Variants in IQSEC3 observed in about 807,000 individuals in gnomAD.
The protein encoded by IQSEC3 is IQ motif and SEC7 domain-containing protein 3.
Under a neutral mutation model 105.4 loss-of-function variants are expected in IQSEC3, and 50 were observed. That is an observed-to-expected ratio of 0.47 (90% CI 0.38 to 0.60). The LOEUF is 0.60. Ranked by LOEUF, IQSEC3 falls within the 20% of genes least tolerant of loss-of-function variation. The probability of loss-of-function intolerance (pLI) is 0.00; values close to 1 mark genes in which losing one functional copy is unlikely to be tolerated. For synonymous variants in IQSEC3, 708 were observed against 746.0 expected (o/e 0.95, Z 0.83); for missense variants, 1,415 against 1,630.0 (o/e 0.87, Z 2.27).
Position 138,771 on chromosome 12 carries a change from ACCCCCGGCCTGCCCCCGG to A in IQSEC3, c.1412_1429del (p.Pro471_Ala476del). The A allele has an allele frequency of 6.3e-7, 1 of 1,580,344 alleles. No homozygotes were observed. Among genetic ancestry groups the A allele is most frequent in the African/African-American group, 1.4e-5 (1 of 72,072 alleles). ...CGGGCCCGGGGATGACGCCGCGGAG[ACCCCCGGCCTGCCCCCGG>A]CCCACAGCGGGACCCTCATGATGGC... On this transcript the variant is annotated inframe_deletion, in exon 4 of 14. Transcript: ENST00000538872. The surrounding 1 kb of genome is among the most constrained non-coding windows in gnomAD (Gnocchi z 7.1).
At chr12:67,671 C>A (rs1438280157) in intron 1 of IQSEC3, among the ~76,000 whole-genome samples, 1 of 141,188 alleles carries the variant, frequency 7.1e-6, no homozygotes, top group Non-Finnish European at 1.5e-5. Context: ...TTAGTAGGAG[C>A]AAAGGAGGAA....
chr12:108,722 G>T (rs1045205313), intron 2 of IQSEC3, among the ~76,000 whole-genome samples: 1 of 152,240 alleles, frequency 6.6e-6, no homozygotes, highest in Non-Finnish European at 1.5e-5. Flanking sequence ...GCCTTTCAGG[G>T]TGTCTTTAGC....
At chr12:110,315 G>C (rs2011990) in intron 2 of IQSEC3, among the ~76,000 whole-genome samples, 102,201 of 151,640 alleles carry the variant, frequency 0.67, 34,740 homozygotes, top group East Asian at 0.93. Flanking sequence ...ACAGAACTAA[G>C]TCCTAAAAGG....
rs200243071 is a variant in IQSEC3 at position 157,612 on chromosome 12, C to A, written c.2361C>A (p.Ile787=). Residue 787 remains isoleucine (I), a synonymous_variant, in exon 7 of 14, where the codon ATC becomes ATA. Coordinates refer to ENST00000538872, the MANE Select transcript of IQSEC3 (RefSeq NM_001170738.2). The stretch of plus-strand genomic sequence containing the variant: ...TCTTCATCCTCGCCTTCGCCATCAT[C>A]CTCCTCAACACCGACATGTACAGCC... ...DTIFILAFAI[I]LLNTDMYSPN... 1 of 1,614,248 alleles carries A rather than the reference C, an allele frequency of 6.2e-7. No individual in the cohort carries two copies. Among genetic ancestry groups the A allele is most frequent in the Non-Finnish European group, 8.5e-7 (1 of 1,180,040 alleles).
At position 171,104 on chromosome 12, in the gene IQSEC3, A is replaced by G. The variant is rs1171179819; in HGVS notation, c.3065-8A>G. On this transcript the variant is annotated splice_region_variant and splice_polypyrimidine_tract_variant and intron_variant, in intron 12 of 13. Transcript: ENST00000538872. The stretch of plus-strand genomic sequence containing the variant: ...GGAGAATGAGCCCTGTGCTCTTTGC[A>G]TTCAAAGCCAAAAGGGAAGCCGCGC... 2 of 1,613,780 alleles carry G rather than the reference A, an allele frequency of 1.2e-6. No homozygotes were observed. The highest frequency in any genetic ancestry group is 2.7e-5 in the African/African-American group (2 of 74,996).
At chr12:94,204 G>C (rs1188758143) in intron 1 of IQSEC3, among the ~76,000 whole-genome samples, 3 of 152,198 alleles carry the variant, frequency 2.0e-5, no homozygotes, top group Non-Finnish European at 4.4e-5. Flanking sequence ...GGGACTCCCT[G>C]CCTGGTCTTG....
In IQSEC3 at chr12:148,937, G is replaced by A. The variant is rs182587541; in HGVS notation, c.2153+7652G>A. 1.2e-4 allele frequency: 18 copies of A among 151,142 alleles called. No homozygotes were observed. The East Asian group carries it at 3.3e-3, about 28-fold the overall frequency. The allele number at this position is 151,142 out of a possible 1,614,324, so 9.4% of individuals were successfully genotyped here. A position where few individuals can be genotyped will look rare whatever the true frequency, so the allele number is the denominator to read the frequency against. On this transcript the variant is annotated intron_variant, in intron 5 of 13. Transcript: ENST00000538872. The stretch of plus-strand genomic sequence containing the variant: ...TCCTTTGTCTGCCAGACACTGTCTT[G>A]CTATCATTAAAAAAAAAAAAGAAGG...
intron 4 of IQSEC3, 84 bp from the exon 5 acceptor site, chr12:141,040 C>T: frequency 1.4e-6 from 2 of 1,395,104 alleles, no homozygotes; most frequent in Non-Finnish European, 2.0e-6. Flanking sequence ...CCTCTGGGTA[C>T]TTCTATGGGT....
At chr12:171,189 A>G in intron 13 of IQSEC3, 28 bp downstream of exon 13, 1 of 1,614,044 alleles carries the variant, frequency 6.2e-7, no homozygotes, top group Middle Eastern at 1.7e-4. Context: ...TGCCCAGGTG[A>G]GTGACTACCC....
intron 12 of IQSEC3, among the ~76,000 whole-genome samples, chr12:170,671 C>A (rs1259561726): frequency 1.3e-5 from 2 of 152,220 alleles, no homozygotes; most frequent in Non-Finnish European, 2.9e-5. Flanking sequence ...CCCGGCACTG[C>A]GGTGAGTGCT....
chr12:126,885 T>A (rs1191146624), intron 3 of IQSEC3, among the ~76,000 whole-genome samples: 2 of 152,162 alleles, frequency 1.3e-5, no homozygotes, highest in Non-Finnish European at 2.9e-5. Flanking sequence ...CAAACTAACC[T>A]CCTTCCTCTC....
intron 3 of IQSEC3, among the ~76,000 whole-genome samples, chr12:134,056 G>T (rs1555085693): frequency 2.0e-5 from 3 of 152,258 alleles, no homozygotes; most frequent in Non-Finnish European, 4.4e-5. Flanking sequence ...GCTGCAGATA[G>T]GACGAAGGAA....
Position 127,498 on chromosome 12 carries a change from A to T in IQSEC3, c.903+1586A>T, listed in dbSNP as rs1865454774. Among the ~76,000 whole-genome samples the T allele has an allele frequency of 2.6e-5, 4 of 152,284 alleles. No homozygotes were observed. The South Asian group carries it at 6.2e-4, about 24-fold the overall frequency. On this transcript the variant is annotated intron_variant, in intron 3 of 13. Coordinates refer to ENST00000538872, the MANE Select transcript of IQSEC3 (RefSeq NM_001170738.2). ...ACCACAGCACTCCAGCCTGGGCGAC[A>T]GAGTGAGACTCTGTCTCAAAACAAA...
At chr12:78,823 C>T (rs534278031) in intron 1 of IQSEC3, among the ~76,000 whole-genome samples, 1 of 152,064 alleles carries the variant, frequency 6.6e-6, no homozygotes, top group Non-Finnish European at 1.5e-5. Flanking sequence ...GTGCCTGGCA[C>T]GCAGTGAGGG....
intron 3 of IQSEC3, among the ~76,000 whole-genome samples, chr12:132,196 G>A (rs997751915): frequency 1.3e-5 from 2 of 152,072 alleles, no homozygotes; most frequent in African/African-American, 4.8e-5. Context: ...GAAAGGGGAG[G>A]CTGGGAGTTG....
At chr12:107,402 C>CTTTTTTTTTTTT (rs58053657) in intron 2 of IQSEC3, among the ~76,000 whole-genome samples, 1 of 75,984 alleles carries the variant, frequency 1.3e-5, no homozygotes, top group Non-Finnish European at 2.3e-5. Flanking sequence ...AGTCTGTTTT[C>CTTTTTTTTTTTT]TTTTTTTTTT....
intron 1 of IQSEC3, among the ~76,000 whole-genome samples, chr12:69,651 C>T (rs1456342345): frequency 2.6e-5 from 4 of 152,274 alleles, no homozygotes; most frequent in Non-Finnish European, 5.9e-5. Flanking sequence ...GCCTGCCTCC[C>T]CTCATCCCTG....
intron 1 of IQSEC3, among the ~76,000 whole-genome samples, chr12:86,669 G>A (rs1039610207): frequency 4.6e-5 from 7 of 152,092 alleles, no homozygotes; most frequent in South Asian, 2.1e-4. Flanking sequence ...ATCAGCGCAC[G>A]GCCTAGTACA....
At position 117,457 on chromosome 12, in the gene IQSEC3, G is replaced by A. The variant is rs79028457; in HGVS notation, c.624-8176G>A. Among the ~76,000 whole-genome samples, 632 of 152,360 alleles carry A rather than the reference G, an allele frequency of 4.1e-3. 3 individuals carry two copies. Among genetic ancestry groups the A allele is most frequent in the Non-Finnish European group, 6.5e-3 (440 of 68,034 alleles). Reference sequence around the variant, plus strand: ...CAGCCTGGGAGGCTATGAGGGAGGCGGTGCCTGAGGAGGCCTGAGGAAGCT... The same window carrying A: ...CAGCCTGGGAGGCTATGAGGGAGGCAGTGCCTGAGGAGGCCTGAGGAAGCT... On this transcript the variant is annotated intron_variant, in intron 2 of 13. Coordinates refer to ENST00000538872, the MANE Select transcript of IQSEC3 (RefSeq NM_001170738.2).
Sources: allele counts gnomAD v4.1 joint callset (sites outside exome capture counted in the v4.1 genomes callset), GRCh38; gene constraint gnomAD v4.1.1; non-coding constraint Gnocchi (gnomAD v3.1); transcripts MANE v1.5; gene names NCBI Gene and HGNC (gene_info 2026-07-23, HGNC 2026-07-21).